The following BRAF variants were observed in gnomAD, a reference collection of about 807,000 sequenced individuals.
The protein encoded by BRAF is B-Raf proto-oncogene, serine/threonine kinase, also known as serine/threonine-protein kinase B-raf.
A neutral mutation model predicts 104.6 loss-of-function variants in BRAF; 16 were observed. The observed-to-expected ratio is 0.15, with a 90% CI of 0.10 to 0.23. The LOEUF (loss-of-function observed/expected upper bound fraction) is 0.23, where lower values mean the gene tolerates loss of function less well. BRAF is among the 10% of genes least tolerant of loss of function. The pLI, the probability that BRAF is intolerant of heterozygous loss-of-function variation, is 1.00. For missense variants in BRAF, 541 were observed against 937.3 expected (o/e 0.58, Z 5.52); for synonymous variants, 310 against 341.6 (o/e 0.91, Z 1.02).
At chr7:140,766,538 A>G (rs554232855) in intron 14 of BRAF, among the ~76,000 whole-genome samples, 2 of 152,126 alleles carry the variant, frequency 1.3e-5, no homozygotes, top group Non-Finnish European at 2.9e-5. Context: ...AAATGTCAAC[A>G]TTCTGCCAAA....
intron 17 of BRAF, chr7:140,741,327 TA>T (rs1415724008): frequency 6.6e-6 from 1 of 152,188 alleles, no homozygotes; most frequent in Non-Finnish European, 1.5e-5. Context: ...GTTAAGTAAG[TA>T]ACAGGATTTG....
chr7:140,888,651 C>A (rs1372801693), intron 1 of BRAF, among the ~76,000 whole-genome samples: 3 of 152,018 alleles, frequency 2.0e-5, no homozygotes, highest in Non-Finnish European at 4.4e-5. Flanking sequence ...GCCTGACCAA[C>A]GTGGAGAAAC....
At chr7:140,813,625 C>A (rs1364491037) in intron 3 of BRAF, among the ~76,000 whole-genome samples, 1 of 152,150 alleles carries the variant, frequency 6.6e-6, no homozygotes, top group Non-Finnish European at 1.5e-5. Flanking sequence ...TGACCATACA[C>A]ACATCACTGG....
At chr7:140,787,441 A>T in intron 9 of BRAF, 107 bp downstream of exon 9, 1 of 1,266,924 alleles carries the variant, frequency 7.9e-7, no homozygotes, top group Non-Finnish European at 1.1e-6. Flanking sequence ...TTCTCTACAC[A>T]TTTTTCTCTG....
intron 2 of BRAF, among the ~76,000 whole-genome samples, chr7:140,837,830 A>T (rs1187810343): frequency 6.6e-6 from 1 of 152,214 alleles, no homozygotes; most frequent in Non-Finnish European, 1.5e-5. Context: ...ATCCACTCTG[A>T]AGATCAAAGT....
chr7:140,908,618 G>C (rs1816599408), intron 1 of BRAF, among the ~76,000 whole-genome samples: 1 of 152,110 alleles, frequency 6.6e-6, no homozygotes. Flanking sequence ...GTCACAACTT[G>C]AAAGGTTTAT....
chr7:140,884,890 A>G (rs571772467), intron 1 of BRAF, among the ~76,000 whole-genome samples: 22 of 152,352 alleles, frequency 1.4e-4, no homozygotes, highest in Admixed American at 4.6e-4. Context: ...CTAATTAACA[A>G]AAGTGATCTA....
intron 4 of BRAF, 109 bp downstream of exon 4, chr7:140,808,783 A>G (rs1803922257): frequency 1.1e-6 from 1 of 872,330 alleles, no homozygotes; most frequent in Non-Finnish European, 1.9e-6. Context: ...ACTTTTTCCT[A>G]AAGTACACTT....
At chr7:140,922,176 G>A (rs554831017) in intron 1 of BRAF, among the ~76,000 whole-genome samples, 1 of 152,350 alleles carries the variant, frequency 6.6e-6, no homozygotes, top group African/African-American at 2.4e-5. Context: ...AAAGAGGACA[G>A]TAGGAAACAC....
intron 1 of BRAF, among the ~76,000 whole-genome samples, chr7:140,897,465 A>C (rs901270969): frequency 2.6e-5 from 4 of 151,550 alleles, no homozygotes; most frequent in African/African-American, 4.8e-5. Context: ...ATATGCTTTT[A>C]ACTCTGGATA....
intron 2 of BRAF, among the ~76,000 whole-genome samples, chr7:140,839,440 C>T: frequency 6.6e-6 from 1 of 152,014 alleles, no homozygotes; most frequent in East Asian, 1.9e-4. Context: ...TTTAGAAATG[C>T]AATTATATGC....
At chr7:140,744,474 G>T (rs548960232) in intron 17 of BRAF, among the ~76,000 whole-genome samples, 5 of 152,328 alleles carry the variant, frequency 3.3e-5, no homozygotes, top group South Asian at 2.1e-4. Flanking sequence ...AACTGTGAAT[G>T]TAACAGTTGT....
At chr7:140,729,150 A>C (rs1315145802) in intron 19 of BRAF, among the ~76,000 whole-genome samples, 1 of 151,718 alleles carries the variant, frequency 6.6e-6, no homozygotes, top group African/African-American at 2.4e-5. Flanking sequence ...TGGGAGGATC[A>C]CTTGAGACCA....
intron 17 of BRAF, 50 bp downstream of exon 16, chr7:140,749,237 G>A (rs759541890): frequency 1.2e-6 from 2 of 1,606,920 alleles, no homozygotes; most frequent in African/African-American, 2.7e-5. Flanking sequence ...TACAACTGGA[G>A]CCTTGTATAT....
chr7:140,924,434 C>T lies in BRAF; in HGVS notation c.138+132G>A. On this transcript the variant is annotated intron_variant, in intron 1 of 19. Transcript: ENST00000644969. This position sits in a 1 kb window ranked among gnomAD's most constrained non-coding sequence, Gnocchi z 4.2. ...AGGGACACGGGGGCGATGCCCACCT[C>T]CCAGCCCGCGGAGCTGGCCCGAGAA... The T allele has an allele frequency of 7.3e-7, 1 of 1,364,124 alleles. No individual in the cohort carries two copies. Among genetic ancestry groups the T allele is most frequent in the African/African-American group, 1.5e-5 (1 of 68,174 alleles). 84.5% of individuals were successfully genotyped at this position (1,364,124 alleles called of 1,614,324 possible).
At chr7:140,838,414 C>A (rs549920379) in intron 2 of BRAF, among the ~76,000 whole-genome samples, 1 of 152,016 alleles carries the variant, frequency 6.6e-6, no homozygotes, top group Non-Finnish European at 1.5e-5. Context: ...ACCTGGGAGG[C>A]GGAGGTTGCA....
At chr7:140,759,672 C>T (rs914775292) in intron 14 of BRAF, among the ~76,000 whole-genome samples, 13 of 152,346 alleles carry the variant, frequency 8.5e-5, no homozygotes, top group Middle Eastern at 3.4e-3. Context: ...AGGCGTGAGC[C>T]ACCACACCCG....
intron 5 of BRAF, among the ~76,000 whole-genome samples, chr7:140,801,969 T>C (rs1474968723): frequency 1.3e-5 from 2 of 152,152 alleles, no homozygotes; most frequent in Admixed American, 1.3e-4. Flanking sequence ...AGGCATATAT[T>C]AAAGTTACAA....
At chr7:140,880,056 A>C (rs554345285) in intron 1 of BRAF, among the ~76,000 whole-genome samples, 1 of 152,212 alleles carries the variant, frequency 6.6e-6, no homozygotes, top group South Asian at 2.1e-4. Context: ...ACAAGACAAC[A>C]ATGAAGTCTG....
Sources: gnomAD v4.1 joint callset for allele counts (sites outside exome capture counted in the v4.1 genomes callset) on GRCh38, gnomAD v4.1.1 for gene constraint, Gnocchi (gnomAD v3.1) non-coding constraint, MANE v1.5 for transcripts, NCBI Gene and HGNC (gene_info 2026-07-23, HGNC 2026-07-21) for gene names.